Variants in NCOA2 observed in about 807,000 individuals in gnomAD.
NCOA2 encodes the protein nuclear receptor coactivator 2.
NCOA2 carries 21 observed loss-of-function variants against 145.1 expected under a neutral mutation model. That is an observed-to-expected ratio of 0.14 (90% CI 0.10 to 0.21). The LOEUF (loss-of-function observed/expected upper bound fraction) is 0.21. Among genes scored for constraint, NCOA2 ranks in the 10% least tolerant of loss-of-function variants. NCOA2 has a pLI of 1.00. For synonymous variants in NCOA2, 619 were observed against 637.5 expected, an observed-to-expected ratio of 0.97 and a Z score of 0.44; for missense variants, 1,472 against 1,837.6, an observed-to-expected ratio of 0.80 and a Z score of 3.64.
intron 1 of NCOA2, among the ~76,000 whole-genome samples, chr8:70,318,431 C>G (rs954105557): frequency 3.3e-5 from 5 of 152,182 alleles, no homozygotes; most frequent in African/African-American, 1.2e-4. Context: ...GGCTCCCTAA[C>G]TGACACACCT....
intron 1 of NCOA2, among the ~76,000 whole-genome samples, chr8:70,343,530 G>A (rs765199713): frequency 6.6e-5 from 10 of 152,000 alleles, no homozygotes; most frequent in East Asian, 3.9e-4. Context: ...AGTGAAGGCC[G>A]GACACAGTGG....
At chr8:70,318,032 C>T (rs920980942) in intron 1 of NCOA2, among the ~76,000 whole-genome samples, 1 of 152,148 alleles carries the variant, frequency 6.6e-6, no homozygotes, top group African/African-American at 2.4e-5. Context: ...CAAAAAAATT[C>T]AAGTTGCAGG....
chr8:70,274,802 G>C (rs2135370845), intron 2 of NCOA2, among the ~76,000 whole-genome samples: 1 of 152,216 alleles, frequency 6.6e-6, no homozygotes. Context: ...CATAAAATAT[G>C]AACTGAAAAG....
At chr8:70,379,979 ATAACT>A (rs1274166775) in intron 1 of NCOA2, among the ~76,000 whole-genome samples, 3 of 152,152 alleles carry the variant, frequency 2.0e-5, no homozygotes, top group Non-Finnish European at 4.4e-5. Context: ...AACTTTATAA[ATAACT>A]TAATGAGGCT....
At chr8:70,198,326 G>C (rs1817557669) in intron 4 of NCOA2, among the ~76,000 whole-genome samples, 1 of 152,174 alleles carries the variant, frequency 6.6e-6, no homozygotes, top group South Asian at 2.1e-4. Context: ...GTGCAGTTAT[G>C]AGTTAAAGAG....
chr8:70,141,311 A>G lies in NCOA2; in HGVS notation c.2901T>C (p.Ala967=). 1 of 1,613,964 alleles carries G rather than the reference A, an allele frequency of 6.2e-7. No homozygotes were observed. Among genetic ancestry groups the G allele is most frequent in the Non-Finnish European group, 8.5e-7 (1 of 1,179,864 alleles). Residue 967 remains alanine, a synonymous_variant, in exon 14 of 23, where the codon GCT becomes GCC. Transcript: ENST00000452400. ...QSSAVRVTCA[A]TTSAMNRPVQ... is the part of the protein sequence containing the mutation. ...CTGGCCGGTTCATGGCACTGGTGGT[A>G]GCAGCACAGGTGACTCTCACAGCCG...
chr8:70,446,748 C>T, the NCOA2 span, among the ~76,000 whole-genome samples: 19 of 152,058 alleles, frequency 1.2e-4, no homozygotes, highest in South Asian at 3.9e-3. Context: ...AGAAATGGTT[C>T]TTTCTTTTTT....
chr8:70,327,994 G>A (rs540806518), intron 1 of NCOA2, among the ~76,000 whole-genome samples: 125 of 152,264 alleles, frequency 8.2e-4, no homozygotes, highest in African/African-American at 2.9e-3. Flanking sequence ...TGCAGTACCA[G>A]TGTGGCCACA....
rs989797973 is a variant in NCOA2 at position 70,111,871 on chromosome 8, CT to C, written c.*1760del. On this transcript the variant is annotated 3_prime_UTR_variant, in exon 23 of 23. Coordinates refer to ENST00000452400, the MANE Select transcript of NCOA2 (RefSeq NM_006540.4). Reference sequence around the variant, plus strand: ...TAATGAGATATTATAAAATGCTTTGCTTTTTAGACATCAAAAAGATATCATT... The same window carrying C: ...TAATGAGATATTATAAAATGCTTTGCTTTTAGACATCAAAAAGATATCATT... 37 of 221,384 alleles carry C rather than the reference CT, an allele frequency of 1.7e-4. No homozygotes were observed. Among genetic ancestry groups the C allele is most frequent in the Non-Finnish European group, 3.2e-4 (36 of 110,772 alleles). 13.7% of individuals were successfully genotyped at this position (221,384 alleles called of 1,614,324 possible).
At position 70,112,521 on chromosome 8, in the gene NCOA2, C is replaced by T. The variant is rs1244155447; in HGVS notation, c.*1111G>A. 1.5e-5 allele frequency: 3 copies of T among 205,546 alleles called. No homozygotes were observed. The highest frequency in any genetic ancestry group is 5.9e-5 in the Admixed American group (1 of 16,860). The allele number at this position is 205,546 out of a possible 1,614,324, so 12.7% of individuals were successfully genotyped here. The stretch of plus-strand genomic sequence containing the variant: ...TCTGCTATCAATTTAAACACACTGG[C>T]GTTTTCTCCCATTTTGGAGGCCAGA... On this transcript the variant is annotated 3_prime_UTR_variant, in exon 23 of 23. Transcript: ENST00000452400.
chr8:70,367,549 A>T (rs1002935182), intron 1 of NCOA2, among the ~76,000 whole-genome samples: 1 of 152,196 alleles, frequency 6.6e-6, no homozygotes, highest in African/African-American at 2.4e-5. Flanking sequence ...AGGGACCAAT[A>T]ATCACAGTAC....
intron 1 of NCOA2, among the ~76,000 whole-genome samples, chr8:70,326,437 A>ACACACACACACACGTG (rs1264167384): frequency 6.7e-6 from 1 of 149,030 alleles, no homozygotes; most frequent in African/African-American, 2.5e-5. Context: ...TCTCACACAC[A>ACACACACACACACGTG]CACACACACA....
At chr8:70,256,747 G>A (rs1823663999) in intron 2 of NCOA2, among the ~76,000 whole-genome samples, 1 of 152,164 alleles carries the variant, frequency 6.6e-6, no homozygotes, top group South Asian at 2.1e-4. Flanking sequence ...CTGTGGCACA[G>A]AAAAGTCAAG....
chr8:70,440,743 AAAAG>A, the NCOA2 span, among the ~76,000 whole-genome samples: 11 of 130,874 alleles, frequency 8.4e-5, no homozygotes, highest in South Asian at 4.6e-4. Context: ...AGAAAGAAAG[AAAAG>A]AAAGAGAGAA....
intron 13 of NCOA2, among the ~76,000 whole-genome samples, chr8:70,142,451 CACTT>C (rs1243754850): frequency 2.0e-5 from 3 of 152,162 alleles, no homozygotes; most frequent in Non-Finnish European, 4.4e-5. Flanking sequence ...GTAATCCCAG[CACTT>C]AGGGAGGCTG....
chr8:70,393,630 C>G (rs1317204594), intron 1 of NCOA2, among the ~76,000 whole-genome samples: 1 of 152,156 alleles, frequency 6.6e-6, no homozygotes, highest in African/African-American at 2.4e-5. Context: ...TCAGATCACC[C>G]TGAAACCCAC....
At chr8:70,345,975 G>A (rs1017866091) in intron 1 of NCOA2, among the ~76,000 whole-genome samples, 2 of 152,142 alleles carry the variant, frequency 1.3e-5, no homozygotes, top group Non-Finnish European at 2.9e-5. Flanking sequence ...GTAGTCTCAC[G>A]AAATGACCTT....
chr8:70,413,097 C>CAAA, the NCOA2 span, among the ~76,000 whole-genome samples: 9 of 59,274 alleles, frequency 1.5e-4, no homozygotes, highest in African/African-American at 2.5e-4. Context: ...GACTCCGTCT[C>CAAA]AAAAAAAAAA....
chr8:70,285,640 G>A (rs1406201475), intron 2 of NCOA2, among the ~76,000 whole-genome samples: 14 of 152,172 alleles, frequency 9.2e-5, no homozygotes, highest in Admixed American at 9.2e-4. Context: ...TCCCATTCAC[G>A]TAACTTAATG....
Sources: allele counts gnomAD v4.1 joint callset (sites outside exome capture counted in the v4.1 genomes callset), GRCh38; gene constraint gnomAD v4.1.1; transcripts MANE v1.5; gene names NCBI Gene and HGNC (gene_info 2026-07-23, HGNC 2026-07-21).